The following ATRN variants were observed in gnomAD, a reference collection of about 807,000 sequenced individuals.
The protein encoded by ATRN is attractin.
In ATRN, 54 loss-of-function variants were observed where a neutral mutation model predicts 178.7. That is an observed-to-expected ratio of 0.30 (90% CI 0.24 to 0.38). The LOEUF (loss-of-function observed/expected upper bound fraction) is 0.38, where lower values mean the gene tolerates loss of function less well. ATRN is among the 10% of genes least tolerant of loss of function. The pLI, the probability that ATRN is intolerant of heterozygous loss-of-function variation, is 1.00. For missense variants in ATRN, 1,443 were observed against 1,815.1 expected (o/e 0.79, Z 3.73); for synonymous variants, 636 against 663.0 (o/e 0.96, Z 0.63).
Position 3,604,138 on chromosome 20 carries a change from T to C in ATRN, c.3677T>C (p.Val1226Ala). 6.2e-7 allele frequency: 1 copy of C among 1,600,068 alleles called. No individual in the cohort carries two copies. The highest frequency in any genetic ancestry group is 8.5e-7 in the Non-Finnish European group (1 of 1,176,420). Residue 1226 changes from valine (V) to alanine (A), a missense_variant, in exon 24 of 29, where the codon GTT becomes GCT. By Grantham distance (64) the Val-to-Ala change is moderately conservative. Transcript: ENST00000262919. ...GTQAGEEMPV[V>A]SKTNIKEYKD... ...CAGGCTGGAGAAGAGATGCCTGTTG[T>C]TTCAAAAACCAACATTAAGGAGTAC...
chr20:3,534,025 G>T (rs977297205), intron 1 of ATRN, among the ~76,000 whole-genome samples: 1 of 152,122 alleles, frequency 6.6e-6, no homozygotes, highest in Admixed American at 6.6e-5. Context: ...AACATGATTG[G>T]CTTCGACTAA....
chr20:3,534,785 G>A (rs1231383529), intron 1 of ATRN, among the ~76,000 whole-genome samples: 1 of 152,124 alleles, frequency 6.6e-6, no homozygotes, highest in African/African-American at 2.4e-5. Flanking sequence ...GCAACATCGT[G>A]AGACTCTGTT....
chr20:3,529,880 A>G (rs1226823855), intron 1 of ATRN, among the ~76,000 whole-genome samples: 3 of 152,196 alleles, frequency 2.0e-5, no homozygotes, highest in Non-Finnish European at 2.9e-5. Context: ...AACAGATTAT[A>G]TATTGTGGCA....
At chr20:3,520,820 G>A (rs1188175799) in intron 1 of ATRN, among the ~76,000 whole-genome samples, 2 of 151,838 alleles carry the variant, frequency 1.3e-5, no homozygotes, top group Non-Finnish European at 2.9e-5. Context: ...TATCACACTA[G>A]TAAAATAAGG....
At chr20:3,617,698 G>A (rs1345347651) in intron 24 of ATRN, among the ~76,000 whole-genome samples, 1 of 152,024 alleles carries the variant, frequency 6.6e-6, no homozygotes, top group African/African-American at 2.4e-5. Flanking sequence ...AATAATACAG[G>A]TGGTAGAAGA....
chr20:3,591,405 T>C lies in ATRN; in HGVS notation c.3322+99T>C. 2.9e-6 allele frequency: 4 copies of C among 1,379,676 alleles called. No individual in the cohort carries two copies. In the South Asian group the frequency reaches 5.6e-5, roughly 19 times the overall value. The allele number at this position is 1,379,676 out of a possible 1,614,324, so 85.5% of individuals were successfully genotyped here. A position where few individuals can be genotyped will look rare whatever the true frequency, so the allele number is the denominator to read the frequency against. ...TAGGAGGAAAAAAGCCACTTTGTTT[T>C]GGATACCACATTTCTTATTAAATCA... On this transcript the variant is annotated intron_variant, in intron 19 of 28. Coordinates refer to ENST00000262919, the MANE Select transcript of ATRN (RefSeq NM_139321.3).
At chr20:3,595,467 A>G (rs1216171115) in intron 20 of ATRN, among the ~76,000 whole-genome samples, 5 of 152,202 alleles carry the variant, frequency 3.3e-5, no homozygotes, top group East Asian at 1.9e-4. Flanking sequence ...TGGTCTGTCT[A>G]CTTTTTAGTT....
chr20:3,576,056 G>T (rs1600122327), intron 13 of ATRN, 108 bp downstream of exon 13: 2 of 1,255,386 alleles, frequency 1.6e-6, no homozygotes, highest in Non-Finnish European at 2.1e-6. Context: ...TTTCAAATGG[G>T]TTTCTATTTG....
intron 1 of ATRN, among the ~76,000 whole-genome samples, chr20:3,528,395 C>T (rs533077464): frequency 4.3e-4 from 65 of 152,020 alleles, no homozygotes; most frequent in Non-Finnish European, 2.8e-4. Context: ...ACATATACTC[C>T]GTGGAATACT....
At chr20:3,615,101 A>C (rs959786192) in intron 24 of ATRN, among the ~76,000 whole-genome samples, 8 of 152,204 alleles carry the variant, frequency 5.3e-5, no homozygotes, top group Non-Finnish European at 8.8e-5. Context: ...GTATAATAAC[A>C]GTGCATATCC....
At chr20:3,479,813 T>G (rs2084594132) in intron 1 of ATRN, among the ~76,000 whole-genome samples, 1 of 152,186 alleles carries the variant, frequency 6.6e-6, no homozygotes, top group South Asian at 2.1e-4. Context: ...ATGCATCACT[T>G]CAGCCTCTGC....
At chr20:3,602,336 A>T (rs145841963) in intron 23 of ATRN, among the ~76,000 whole-genome samples, 3,005 of 152,236 alleles carry the variant, frequency 0.02, 78 homozygotes, top group African/African-American at 0.061. Flanking sequence ...TCTCAAAAAA[A>T]AAAAATAAAA....
At chr20:3,486,987 C>G (rs1482343225) in intron 1 of ATRN, among the ~76,000 whole-genome samples, 1 of 151,706 alleles carries the variant, frequency 6.6e-6, no homozygotes, top group African/African-American at 2.4e-5. Context: ...TGTTTACTTT[C>G]TACTTCTCAT....
rs961827173 is a variant in ATRN at position 3,559,562 on chromosome 20, A to G, written c.1203+79A>G. On this transcript the variant is annotated intron_variant, in intron 7 of 28. Coordinates refer to ENST00000262919, the MANE Select transcript of ATRN (RefSeq NM_139321.3). Reference sequence around the variant, plus strand: ...TCATGTATTACATAGTTGAAAAGCTACCTCAGTGTTGGTTTTTAATTGGGG... The same window carrying G: ...TCATGTATTACATAGTTGAAAAGCTGCCTCAGTGTTGGTTTTTAATTGGGG... 3 of 1,201,752 alleles carry G rather than the reference A, an allele frequency of 2.5e-6. No homozygotes were observed. In the African/African-American group the frequency reaches 4.6e-5, roughly 18 times the overall value. 74.4% of individuals were successfully genotyped at this position (1,201,752 alleles called of 1,614,324 possible). A position where few individuals can be genotyped will look rare whatever the true frequency, so the allele number is the denominator to read the frequency against.
At chr20:3,529,074 A>G (rs1278472179) in intron 1 of ATRN, among the ~76,000 whole-genome samples, 2 of 152,166 alleles carry the variant, frequency 1.3e-5, no homozygotes, top group African/African-American at 2.4e-5. Context: ...TTGGCCTCCC[A>G]AAGTGCTGAG....
At chr20:3,575,494 G>A (rs1336982301) in intron 12 of ATRN, among the ~76,000 whole-genome samples, 2 of 152,020 alleles carry the variant, frequency 1.3e-5, no homozygotes, top group African/African-American at 2.4e-5. Context: ...GGCTTCTTTG[G>A]TGTTCATTCT....
chr20:3,530,426 G>C (rs931789426), intron 1 of ATRN, among the ~76,000 whole-genome samples: 1 of 149,668 alleles, frequency 6.7e-6, no homozygotes, highest in Non-Finnish European at 1.5e-5. Flanking sequence ...ACCATGCCTG[G>C]CTAATTTTTT....
At chr20:3,595,381 C>T (rs1378780825) in intron 20 of ATRN, among the ~76,000 whole-genome samples, 1 of 152,178 alleles carries the variant, frequency 6.6e-6, no homozygotes, top group Admixed American at 6.5e-5. Context: ...TTGTAAACAT[C>T]ATTATTTCTT....
chr20:3,558,673 T>A (rs1032975967), intron 6 of ATRN, among the ~76,000 whole-genome samples: 2 of 151,814 alleles, frequency 1.3e-5, no homozygotes, highest in African/African-American at 2.4e-5. Context: ...TGGCATCTTT[T>A]AAAAAAAACT....
Sources: allele counts gnomAD v4.1 joint callset (sites outside exome capture counted in the v4.1 genomes callset), GRCh38; gene constraint gnomAD v4.1.1; transcripts MANE v1.5; gene names NCBI Gene and HGNC (gene_info 2026-07-23, HGNC 2026-07-21).